NCOA2: variants seen among roughly 807,000 people sequenced by gnomAD.
NCOA2 encodes nuclear receptor coactivator 2, also known as class E basic helix-loop-helix protein 75.
In NCOA2, 21 loss-of-function variants were observed where a neutral mutation model predicts 145.1. The observed-to-expected ratio is 0.14, with a 90% CI of 0.10 to 0.21. The LOEUF (loss-of-function observed/expected upper bound fraction) is 0.21. Ranked by LOEUF, NCOA2 falls within the 10% of genes least tolerant of loss-of-function variation. NCOA2 has a pLI of 1.00. For missense variants in NCOA2, 1,472 were observed against 1,837.6 expected, an observed-to-expected ratio of 0.80 and a Z score of 3.64; for synonymous variants, 619 against 637.5, an observed-to-expected ratio of 0.97 and a Z score of 0.44.
intron 2 of NCOA2, among the ~76,000 whole-genome samples, chr8:70,288,432 T>A (rs1425570122): frequency 2.0e-5 from 3 of 151,736 alleles, no homozygotes; most frequent in Admixed American, 6.6e-5. Flanking sequence ...ACAAAAAAAA[T>A]TAGCCAGCAT....
the NCOA2 span, among the ~76,000 whole-genome samples, chr8:70,422,078 G>A: frequency 5.3e-5 from 8 of 151,376 alleles, no homozygotes; most frequent in South Asian, 4.2e-4. Flanking sequence ...CTGGGCAACC[G>A]AGCAAGACTC....
intron 2 of NCOA2, among the ~76,000 whole-genome samples, chr8:70,264,050 T>A (rs972611192): frequency 6.6e-6 from 1 of 151,854 alleles, no homozygotes; most frequent in African/African-American, 2.4e-5. Context: ...TCTTCTCTAC[T>A]AAAAATACAA....
chr8:70,233,003 G>A (rs888200894), intron 2 of NCOA2, among the ~76,000 whole-genome samples: 14 of 152,126 alleles, frequency 9.2e-5, no homozygotes, highest in Admixed American at 9.2e-4. Flanking sequence ...AAGGCGGGCA[G>A]ATCACAAGGT....
At chr8:70,370,540 C>T (rs1214186673) in intron 1 of NCOA2, among the ~76,000 whole-genome samples, 3 of 152,244 alleles carry the variant, frequency 2.0e-5, no homozygotes, top group East Asian at 3.9e-4. Flanking sequence ...CATCATTTAA[C>T]TATGACTGTG....
At chr8:70,264,917 TAAAAA>T (rs1278222545) in intron 2 of NCOA2, among the ~76,000 whole-genome samples, 1 of 152,002 alleles carries the variant, frequency 6.6e-6, no homozygotes, top group Non-Finnish European at 1.5e-5. Context: ...CTTTAAAACC[TAAAAA>T]AATACTAAAT....
chr8:70,291,024 A>T (rs747721808), intron 2 of NCOA2, among the ~76,000 whole-genome samples: 1 of 152,220 alleles, frequency 6.6e-6, no homozygotes, highest in Non-Finnish European at 1.5e-5. Context: ...GTATTTCAAA[A>T]GTTACTGTGG....
chr8:70,211,694 C>CG (rs1819046754), intron 4 of NCOA2, among the ~76,000 whole-genome samples: 1 of 152,176 alleles, frequency 6.6e-6, no homozygotes, highest in Non-Finnish European at 1.5e-5. Context: ...TACCTAGCTC[C>CG]TGTCTGATTC....
chr8:70,228,180 C>G (rs370714861), intron 2 of NCOA2, among the ~76,000 whole-genome samples: 28 of 152,226 alleles, frequency 1.8e-4, no homozygotes, highest in African/African-American at 6.7e-4. Flanking sequence ...TTTTTTCTCC[C>G]TCAAATGATG....
intron 2 of NCOA2, among the ~76,000 whole-genome samples, chr8:70,266,198 T>TAAC (rs535938395): frequency 3.4e-4 from 52 of 152,312 alleles, no homozygotes; most frequent in African/African-American, 1.2e-3. Flanking sequence ...AGTCTTGTTC[T>TAAC]GTCACCGAGG....
chr8:70,169,630 T>C (rs372899288), intron 6 of NCOA2, among the ~76,000 whole-genome samples: 2 of 152,178 alleles, frequency 1.3e-5, no homozygotes, highest in South Asian at 2.1e-4. Context: ...CTCTGCATTA[T>C]AGCACAAAGG....
intron 2 of NCOA2, among the ~76,000 whole-genome samples, chr8:70,227,253 G>A (rs1056313065): frequency 2.0e-5 from 3 of 152,076 alleles, no homozygotes; most frequent in African/African-American, 7.2e-5. Flanking sequence ...ACTTTCCTGT[G>A]GGTTCTTTAC....
At chr8:70,227,709 A>G (rs566135013) in intron 2 of NCOA2, among the ~76,000 whole-genome samples, 1 of 152,268 alleles carries the variant, frequency 6.6e-6, no homozygotes, top group South Asian at 2.1e-4. Context: ...TACCAATTTT[A>G]TCTCATAAAA....
intron 20 of NCOA2, 141 bp downstream of exon 20, chr8:70,124,547 A>T: frequency 2.7e-6 from 2 of 746,812 alleles, no homozygotes; most frequent in Non-Finnish European, 4.1e-6. Context: ...ATTGCTGTGG[A>T]AGGCGGTGAC....
intron 1 of NCOA2, among the ~76,000 whole-genome samples, chr8:70,351,479 C>T (rs1809204182): frequency 6.6e-6 from 1 of 151,944 alleles, no homozygotes; most frequent in Non-Finnish European, 1.5e-5. Flanking sequence ...ATTTTTTCAT[C>T]CCTGAGTATA....
At chr8:70,412,556 G>A in the NCOA2 span, among the ~76,000 whole-genome samples, 1 of 145,760 alleles carries the variant, frequency 6.9e-6, no homozygotes, top group Non-Finnish European at 1.5e-5. Context: ...GCTGAGACAG[G>A]AGAATTGCTT....
chr8:70,202,116 A>C (rs1207688136), intron 4 of NCOA2, among the ~76,000 whole-genome samples: 1 of 152,232 alleles, frequency 6.6e-6, no homozygotes, highest in Admixed American at 6.5e-5. Context: ...GGAAAATGCA[A>C]ATGAAAACCA....
At chr8:70,287,673 A>G (rs745751298) in intron 2 of NCOA2, among the ~76,000 whole-genome samples, 7 of 152,198 alleles carry the variant, frequency 4.6e-5, no homozygotes, top group Admixed American at 1.3e-4. Flanking sequence ...AAACAGCATA[A>G]TATCATTTCT....
intron 2 of NCOA2, among the ~76,000 whole-genome samples, chr8:70,246,606 G>T (rs1028955664): frequency 3.3e-5 from 5 of 151,972 alleles, no homozygotes; most frequent in African/African-American, 7.2e-5. Flanking sequence ...TTAACCATTT[G>T]TAAGTGTACA....
intron 13 of NCOA2, among the ~76,000 whole-genome samples, chr8:70,141,729 C>T (rs944268448): frequency 6.6e-6 from 1 of 152,142 alleles, no homozygotes. Context: ...CTGATATACA[C>T]GTCAATGCTT....
Sources: allele counts gnomAD v4.1 joint callset (sites outside exome capture counted in the v4.1 genomes callset), GRCh38; gene constraint gnomAD v4.1.1; transcripts MANE v1.5; gene names NCBI Gene and HGNC (gene_info 2026-07-23, HGNC 2026-07-21).